The following CSTPP1 variants were observed in gnomAD, a reference collection of about 807,000 sequenced individuals.
CSTPP1 encodes centriolar satellite-associated tubulin polyglutamylase complex regulator 1, also known as UPF0705 protein C11orf49.
At chr11:47,087,331 T>C in the CSTPP1 span, among the ~76,000 whole-genome samples, 1 of 152,210 alleles carries the variant, frequency 6.6e-6, no homozygotes, top group South Asian at 2.1e-4. Context: ...TGGCTTTGAG[T>C]AAATTGCTTA....
chr11:46,995,891 A>G, the CSTPP1 span, among the ~76,000 whole-genome samples: 2 of 152,254 alleles, frequency 1.3e-5, no homozygotes, highest in South Asian at 2.1e-4. Context: ...AAAGTCTCCC[A>G]TTATTATTGT....
chr11:47,071,885 T>C, the CSTPP1 span, among the ~76,000 whole-genome samples: 4 of 152,248 alleles, frequency 2.6e-5, no homozygotes, highest in African/African-American at 9.6e-5. Context: ...ATAATAAACA[T>C]GCTGTGACTT....
At chr11:46,960,653 C>T in the CSTPP1 span, among the ~76,000 whole-genome samples, 1 of 152,092 alleles carries the variant, frequency 6.6e-6, no homozygotes, top group African/African-American at 2.4e-5. Context: ...GAGTTCGAGA[C>T]CAGCCTGGCC....
the CSTPP1 span, among the ~76,000 whole-genome samples, chr11:47,013,655 G>A: frequency 1.3e-5 from 2 of 152,202 alleles, no homozygotes; most frequent in Non-Finnish European, 1.5e-5. Context: ...ATCATTGATG[G>A]GCATTTGGGT....
chr11:46,979,718 G>C, the CSTPP1 span, among the ~76,000 whole-genome samples: 1 of 152,116 alleles, frequency 6.6e-6, no homozygotes, highest in African/African-American at 2.4e-5. Flanking sequence ...TTTGAGACCA[G>C]CCTGGCCAAC....
the CSTPP1 span, chr11:47,053,015 GAAAGA>G: frequency 6.5e-6 from 1 of 153,126 alleles, no homozygotes; most frequent in Non-Finnish European, 1.5e-5. Flanking sequence ...TGAATATGAA[GAAAGA>G]AACTCCTGAA....
At chr11:47,040,270 C>G in the CSTPP1 span, among the ~76,000 whole-genome samples, 1 of 128,410 alleles carries the variant, frequency 7.8e-6, no homozygotes, top group African/African-American at 2.5e-5. Context: ...TACAAAGTAA[C>G]CTGTACAACA....
the CSTPP1 span, among the ~76,000 whole-genome samples, chr11:46,964,333 T>G: frequency 6.6e-6 from 1 of 151,784 alleles, no homozygotes; most frequent in Non-Finnish European, 1.5e-5. Flanking sequence ...TCACCCAGGC[T>G]GGAGTGCAGT....
the CSTPP1 span, chr11:47,159,615 C>T: frequency 4.4e-6 from 2 of 456,232 alleles, no homozygotes; most frequent in Middle Eastern, 3.3e-4. Context: ...TATGACCACT[C>T]TTTCTTCCCA....
the CSTPP1 span, among the ~76,000 whole-genome samples, chr11:47,134,444 C>T: frequency 1.3e-5 from 2 of 152,170 alleles, 1 homozygote; most frequent in South Asian, 4.1e-4. Context: ...CTTGCCTTGG[C>T]CTCGCAAAGT....
chr11:47,152,329 C>T, the CSTPP1 span, among the ~76,000 whole-genome samples: 4 of 152,260 alleles, frequency 2.6e-5, no homozygotes, highest in South Asian at 2.1e-4. Flanking sequence ...TACCCTCCCA[C>T]GGTGTGCGCC....
chr11:47,094,292 T>C, the CSTPP1 span, among the ~76,000 whole-genome samples: 2 of 152,320 alleles, frequency 1.3e-5, no homozygotes, highest in South Asian at 2.1e-4. Flanking sequence ...GAGGATAGGA[T>C]GGTGGTTTCC....
chr11:47,059,962 G>C, the CSTPP1 span, among the ~76,000 whole-genome samples: 1 of 151,836 alleles, frequency 6.6e-6, no homozygotes, highest in South Asian at 2.1e-4. Context: ...AAATTAGCTG[G>C]GTGTGGTGGT....
the CSTPP1 span, among the ~76,000 whole-genome samples, chr11:47,116,060 C>T: frequency 2.6e-5 from 4 of 152,176 alleles, no homozygotes; most frequent in Non-Finnish European, 4.4e-5. Context: ...TTTCTGCCTT[C>T]ATTTAGTTAT....
the CSTPP1 span, among the ~76,000 whole-genome samples, chr11:46,950,681 G>A: frequency 1.3e-5 from 2 of 151,626 alleles, no homozygotes; most frequent in African/African-American, 4.8e-5. Flanking sequence ...GCCCGATCTC[G>A]GCTCACTGCA....
chr11:46,938,920 G>T, the CSTPP1 span, among the ~76,000 whole-genome samples: 1 of 151,360 alleles, frequency 6.6e-6, no homozygotes, highest in East Asian at 1.9e-4. Context: ...GGGACTACAG[G>T]CACATGCCAC....
At chr11:47,047,054 C>A in the CSTPP1 span, among the ~76,000 whole-genome samples, 1 of 151,950 alleles carries the variant, frequency 6.6e-6, no homozygotes, top group Non-Finnish European at 1.5e-5. Context: ...GTGCCCGCCA[C>A]CACACCTGGC....
At chr11:47,060,644 C>T in the CSTPP1 span, among the ~76,000 whole-genome samples, 18 of 152,012 alleles carry the variant, frequency 1.2e-4, no homozygotes, top group African/African-American at 3.6e-4. Flanking sequence ...TTTGGGGACC[C>T]GGGGAAAGGA....
At chr11:47,104,776 A>G in the CSTPP1 span, among the ~76,000 whole-genome samples, 20 of 152,338 alleles carry the variant, frequency 1.3e-4, no homozygotes, top group Admixed American at 1.3e-3. Flanking sequence ...CAGGGCAGGA[A>G]GGGTTAGATC....
Sources: allele counts gnomAD v4.1 joint callset (sites outside exome capture counted in the v4.1 genomes callset), GRCh38; gene constraint gnomAD v4.1.1; transcripts MANE v1.5; gene names NCBI Gene and HGNC (gene_info 2026-07-23, HGNC 2026-07-21).